MMP16: variants seen among roughly 807,000 people sequenced by gnomAD.
The protein encoded by MMP16 is matrix metalloproteinase-16.
MMP16 carries 12 observed loss-of-function variants against 67.8 expected under a neutral mutation model. That is an observed-to-expected ratio of 0.18 (90% CI 0.11 to 0.29). MMP16 has a LOEUF of 0.29. Among genes scored for constraint, MMP16 ranks in the 10% least tolerant of loss-of-function variants. The pLI, the probability that MMP16 is intolerant of heterozygous loss-of-function variation, is 1.00. For missense variants in MMP16, 475 were observed against 765.7 expected, an observed-to-expected ratio of 0.62 and a Z score of 4.48; for synonymous variants, 249 against 255.9, an observed-to-expected ratio of 0.97 and a Z score of 0.26.
In MMP16 at chr8:88,280,691, G is replaced by C. The variant is rs182206570; in HGVS notation, c.132+46384C>G. ...GGATCACTTGAGCCCAAGAGTTCAA[G>C]ACCAGCATGGGCAACATGCCTCCAC... On this transcript the variant is annotated intron_variant, in intron 1 of 9. Coordinates refer to ENST00000286614, the MANE Select transcript of MMP16 (RefSeq NM_005941.5). 7.9e-4 allele frequency among the ~76,000 whole-genome samples: 121 copies of C among 152,254 alleles called. 1 individual carries two copies. The highest frequency in any genetic ancestry group is 2.2e-4 in the Non-Finnish European group (15 of 68,022).
In MMP16 at chr8:88,040,504, T is replaced by G. The variant is rs1808116833; in HGVS notation, c.*957A>C. 1 of 152,310 alleles carries G rather than the reference T, an allele frequency of 6.6e-6. No homozygotes were observed. Among genetic ancestry groups the G allele is most frequent in the Non-Finnish European group, 1.5e-5 (1 of 68,040 alleles). 9.4% of individuals were successfully genotyped at this position (152,310 alleles called of 1,614,324 possible). ...AATCCTTGTAAAATAACTGCCACTGTAATCCACTTCAGAGACATACTGCTT... is the reference window on the plus strand; with the variant it reads ...AATCCTTGTAAAATAACTGCCACTGGAATCCACTTCAGAGACATACTGCTT... On this transcript the variant is annotated 3_prime_UTR_variant, in exon 10 of 10. Transcript: ENST00000286614.
At chr8:88,238,574 G>A (rs1323794490) in intron 1 of MMP16, among the ~76,000 whole-genome samples, 1 of 150,524 alleles carries the variant, frequency 6.6e-6, no homozygotes. Flanking sequence ...TCTGAGGCAG[G>A]AGAATCGCTT....
chr8:88,230,789 A>T (rs944766466), intron 1 of MMP16, among the ~76,000 whole-genome samples: 5 of 152,084 alleles, frequency 3.3e-5, no homozygotes, highest in African/African-American at 4.8e-5. Flanking sequence ...CTGGATAAAC[A>T]AGCTACATGG....
rs950671745 is a variant in MMP16 at position 88,034,248 on chromosome 8, A to G, written c.*7213T>C. On this transcript the variant is annotated 3_prime_UTR_variant, in exon 10 of 10. Coordinates refer to ENST00000286614, the MANE Select transcript of MMP16 (RefSeq NM_005941.5). ...AAAACCAAATCTGTGTAAAAAAAAA[A>G]AAAAAAGGCAAGATAGGAATAGAAA... The G allele has an allele frequency of 6.6e-6, 1 of 152,170 alleles. No individual in the cohort carries two copies. The highest frequency in any genetic ancestry group is 2.4e-5 in the African/African-American group (1 of 41,402). The allele number at this position is 152,170 out of a possible 1,614,324, so 9.4% of individuals were successfully genotyped here.
rs558954388 is a variant in MMP16, at chr8:88,162,561, T to G, written c.709+5108A>C. On this transcript the variant is annotated intron_variant, in intron 4 of 9. Coordinates refer to ENST00000286614, the MANE Select transcript of MMP16 (RefSeq NM_005941.5). The stretch of plus-strand genomic sequence containing the variant: ...CCCTTTTCAAAAACTCGAGGATAGA[T>G]GAATTTAGACAGTATTCCCACAGTT... Among the ~76,000 whole-genome samples the G allele has an allele frequency of 8.5e-5, 13 of 152,182 alleles. No homozygotes were observed. The South Asian group carries it at 2.1e-3, about 24-fold the overall frequency.
At chr8:88,226,071 G>A (rs1055827513) in intron 1 of MMP16, among the ~76,000 whole-genome samples, 3 of 151,560 alleles carry the variant, frequency 2.0e-5, no homozygotes, top group African/African-American at 7.3e-5. Context: ...TTTCAGTCAT[G>A]CTCATGGCAA....
intron 4 of MMP16, among the ~76,000 whole-genome samples, chr8:88,126,418 C>A (rs1563539390): frequency 6.6e-6 from 1 of 151,826 alleles, no homozygotes; most frequent in Non-Finnish European, 1.5e-5. Context: ...TTTTGCCCTA[C>A]TTAAGTCCTG....
At chr8:88,074,848 T>C (rs1808619041) in intron 6 of MMP16, 105 bp from the exon 7 acceptor site, 2 of 1,366,304 alleles carry the variant, frequency 1.5e-6, no homozygotes, top group Non-Finnish European at 1.0e-6. Context: ...TCCTTATTTA[T>C]TGTCTTACAT....
chr8:88,085,721 T>C (rs572144873), intron 6 of MMP16, among the ~76,000 whole-genome samples: 1 of 152,200 alleles, frequency 6.6e-6, no homozygotes, highest in Admixed American at 6.6e-5. Flanking sequence ...AAATGTAAAC[T>C]ATTTTAATAA....
In MMP16 at chr8:88,131,699, A is replaced by G. The variant is rs567064097; in HGVS notation, c.710-12838T>C. Among the ~76,000 whole-genome samples the G allele has an allele frequency of 2.6e-5, 4 of 151,954 alleles. No individual in the cohort carries two copies. The South Asian group carries it at 8.3e-4, about 31-fold the overall frequency. On this transcript the variant is annotated intron_variant, in intron 4 of 9. Transcript: ENST00000286614. ...AACTACCTTTCATAATCTGGTTTAG[A>G]CTTTCCTATCCAACCCATCTGTCAC...
intron 8 of MMP16, among the ~76,000 whole-genome samples, chr8:88,054,146 T>C (rs1457745302): frequency 1.3e-5 from 2 of 152,204 alleles, no homozygotes; most frequent in African/African-American, 4.8e-5. Context: ...GAAAAAGAGC[T>C]ATCTGATAAT....
chr8:88,095,187 T>A (rs2616514), intron 6 of MMP16, among the ~76,000 whole-genome samples: 150,048 of 151,888 alleles, frequency 0.99, 74,150 homozygotes, highest in East Asian at 1. Context: ...CTTTTTTTTT[T>A]AAACCATCTA....
intron 7 of MMP16, 119 bp from the exon 8 acceptor site, chr8:88,056,397 ATATAT>A: frequency 3.2e-6 from 1 of 309,170 alleles, no homozygotes. Flanking sequence ...TATACTAAAT[ATATAT>A]TATATTAAAT....
chr8:88,126,135 G>A, intron 4 of MMP16, among the ~76,000 whole-genome samples: 1 of 151,754 alleles, frequency 6.6e-6, no homozygotes, highest in East Asian at 1.9e-4. Flanking sequence ...TATCTACTAT[G>A]TGCAAGGAAA....
intron 3 of MMP16, among the ~76,000 whole-genome samples, chr8:88,184,641 A>G (rs1254899915): frequency 6.9e-6 from 1 of 145,022 alleles, no homozygotes; most frequent in Non-Finnish European, 1.5e-5. Flanking sequence ...CAGCTACTCA[A>G]CGGGCTAAGG....
intron 6 of MMP16, among the ~76,000 whole-genome samples, chr8:88,103,933 A>C (rs749313465): frequency 3.3e-5 from 5 of 151,766 alleles, no homozygotes; most frequent in Non-Finnish European, 5.9e-5. Flanking sequence ...CTAATTGGAC[A>C]CCTTTGCTAG....
chr8:88,189,537 CTACTAACAA>C (rs1188381445), intron 2 of MMP16, among the ~76,000 whole-genome samples: 2 of 152,294 alleles, frequency 1.3e-5, no homozygotes, highest in South Asian at 2.1e-4. Flanking sequence ...TTCATTTTCA[CTACTAACAA>C]TACTAACAAT....
At chr8:88,054,124 C>G (rs1259050723) in intron 8 of MMP16, among the ~76,000 whole-genome samples, 1 of 152,014 alleles carries the variant, frequency 6.6e-6, no homozygotes, top group African/African-American at 2.4e-5. Context: ...AATGTAATCC[C>G]TACATTTGTG....
intron 1 of MMP16, among the ~76,000 whole-genome samples, chr8:88,309,447 GA>G (rs1272023005): frequency 1.4e-4 from 21 of 151,790 alleles, no homozygotes; most frequent in Non-Finnish European, 2.1e-4. Flanking sequence ...TGGTAGGAGG[GA>G]GGGGGGGAAC....
Sources: allele counts gnomAD v4.1 joint callset (sites outside exome capture counted in the v4.1 genomes callset), GRCh38; gene constraint gnomAD v4.1.1; transcripts MANE v1.5; gene names NCBI Gene and HGNC (gene_info 2026-07-23, HGNC 2026-07-21).